The following UEVLD variants were observed in gnomAD, a reference collection of about 807,000 sequenced individuals.
The protein encoded by UEVLD is UEV and lactate/malate dehyrogenase domains.
In UEVLD, 47 loss-of-function variants were observed where a neutral mutation model predicts 58.6. That is an observed-to-expected ratio of 0.80 (90% CI 0.63 to 1.02). UEVLD has a LOEUF of 1.02. UEVLD is among the 50% of genes least tolerant of loss of function. The pLI is 0.00. For synonymous variants in UEVLD, 197 were observed against 195.3 expected (o/e 1.01, Z -0.07); for missense variants, 510 against 550.6 (o/e 0.93, Z 0.74).
At chr11:18,561,499 A>C (rs1029195596) in intron 6 of UEVLD, among the ~76,000 whole-genome samples, 1 of 151,032 alleles carries the variant, frequency 6.6e-6, no homozygotes, top group Non-Finnish European at 1.5e-5. Flanking sequence ...TGGGAGGCTG[A>C]GGTGGGAGAA....
chr11:18,567,788 G>C (rs1852371353), intron 4 of UEVLD, among the ~76,000 whole-genome samples: 1 of 152,118 alleles, frequency 6.6e-6, no homozygotes, highest in Non-Finnish European at 1.5e-5. Context: ...AACTGCATGT[G>C]GAACTTAAAG....
chr11:18,539,038 C>G (rs561116869), intron 9 of UEVLD: 3 of 147,920 alleles, frequency 2.0e-5, no homozygotes, highest in Admixed American at 6.7e-5. Context: ...CCAACCCCCC[C>G]AAAAAAGAAA....
At chr11:18,565,632 C>A (rs1313478267) in intron 5 of UEVLD, among the ~76,000 whole-genome samples, 1 of 152,030 alleles carries the variant, frequency 6.6e-6, no homozygotes, top group Non-Finnish European at 1.5e-5. Context: ...AGTTCAAAAC[C>A]AGCCTGGCCA....
chr11:18,564,825 TA>T, intron 6 of UEVLD, 66 bp downstream of exon 6: 1 of 1,183,836 alleles, frequency 8.4e-7, no homozygotes, highest in South Asian at 1.6e-5. Context: ...TTTTGGTGTG[TA>T]AAACACAACC....
At chr11:18,548,503 C>T (rs939083645) in intron 7 of UEVLD, among the ~76,000 whole-genome samples, 1 of 152,186 alleles carries the variant, frequency 6.6e-6, no homozygotes, top group Non-Finnish European at 1.5e-5. Context: ...TCTCGGCTCA[C>T]CACAACCTCT....
At position 18,588,661 on chromosome 11, in the gene UEVLD, G is replaced by C. The variant is rs148748030; in HGVS notation, c.-7C>G. The C allele has an allele frequency of 6.2e-6, 10 of 1,608,706 alleles. No individual in the cohort carries two copies. The African/African-American group carries it at 1.2e-4, about 19-fold the overall frequency. Reference sequence around the variant, plus strand: ...CCTCGCAGTCGAACTCCATCTCCAGGCCGGTCCCGAGCTAGGTCCCAGGAC... The same window carrying C: ...CCTCGCAGTCGAACTCCATCTCCAGCCCGGTCCCGAGCTAGGTCCCAGGAC... On this transcript the variant is annotated 5_prime_UTR_variant, in exon 1 of 12. Coordinates refer to ENST00000396197, the MANE Select transcript of UEVLD (RefSeq NM_001040697.4).
chr11:18,579,521 G>T, intron 1 of UEVLD: 1 of 985,106 alleles, frequency 1.0e-6, no homozygotes, highest in Middle Eastern at 5.2e-4. Flanking sequence ...ATTCACTTGA[G>T]ATACCTCGAC....
chr11:18,540,307 A>G (rs771707297), intron 9 of UEVLD, among the ~76,000 whole-genome samples: 7 of 152,216 alleles, frequency 4.6e-5, no homozygotes, highest in Non-Finnish European at 8.8e-5. Flanking sequence ...GATATGCAAA[A>G]TATTTAATAC....
rs1419628375 is a variant in UEVLD at position 18,544,697 on chromosome 11, A to C, written c.986T>G (p.Ile329Ser). 1 of 1,587,740 alleles carries C rather than the reference A, an allele frequency of 6.3e-7. No homozygotes were observed. Among genetic ancestry groups the C allele is most frequent in the Non-Finnish European group, 8.5e-7 (1 of 1,171,702 alleles). Reference protein sequence around the residue: ...CNLDSQRLQYIITNVLKAQTS... With the variant: ...CNLDSQRLQYSITNVLKAQTS... ...CTGTGCCTTCAAAACATTTGTAATAATATACTGTAATCTCTGTGAATCCAG... is the reference window on the plus strand; with the variant it reads ...CTGTGCCTTCAAAACATTTGTAATACTATACTGTAATCTCTGTGAATCCAG... Residue 329 changes from isoleucine to serine, a missense_variant, in exon 9 of 12, where the codon ATT becomes AGT. Ile to Ser is a moderately radical substitution (Grantham distance 142). Transcript: ENST00000396197.
intron 1 of UEVLD, among the ~76,000 whole-genome samples, chr11:18,584,756 C>G (rs774558564): frequency 4.6e-5 from 7 of 152,002 alleles, no homozygotes; most frequent in Non-Finnish European, 8.8e-5. Flanking sequence ...TCTCAGCCTC[C>G]TGAGTAGCTG....
intron 7 of UEVLD, among the ~76,000 whole-genome samples, chr11:18,555,286 C>T (rs1235845667): frequency 2.0e-5 from 3 of 152,072 alleles, no homozygotes; most frequent in Non-Finnish European, 4.4e-5. Flanking sequence ...ATTAGCTGGG[C>T]ATGGTGGTGG....
At chr11:18,546,427 T>C (rs893841267) in intron 8 of UEVLD, among the ~76,000 whole-genome samples, 40 of 152,158 alleles carry the variant, frequency 2.6e-4, no homozygotes, top group South Asian at 4.1e-4. Flanking sequence ...GTTTATTATA[T>C]AGGCAATTTT....
intron 2 of UEVLD, among the ~76,000 whole-genome samples, chr11:18,577,220 CAAAAACAAACCAAAAAACA>C (rs1852963458): frequency 6.6e-6 from 1 of 151,982 alleles, no homozygotes; most frequent in Non-Finnish European, 1.5e-5. Context: ...CAGTCTCCCG[CAAAAACAAACCAAAAAACA>C]AAAAACAAAC....
chr11:18,537,657 ATAT>A (rs35960383), intron 9 of UEVLD, among the ~76,000 whole-genome samples: 20 of 150,216 alleles, frequency 1.3e-4, no homozygotes, highest in East Asian at 7.8e-4. Flanking sequence ...TCACACTTTA[ATAT>A]TATTATTATT....
intron 3 of UEVLD, among the ~76,000 whole-genome samples, chr11:18,573,264 A>G (rs1271537630): frequency 6.6e-6 from 1 of 152,228 alleles, no homozygotes; most frequent in Non-Finnish European, 1.5e-5. Flanking sequence ...ATTCATTTAA[A>G]TTCACAAGCT....
At position 18,588,673 on chromosome 11, in the gene UEVLD, C is replaced by G. The variant is rs368938615; in HGVS notation, c.-19G>C. On this transcript the variant is annotated 5_prime_UTR_variant, in exon 1 of 12. Coordinates refer to ENST00000396197, the MANE Select transcript of UEVLD (RefSeq NM_001040697.4). ...ACTCCATCTCCAGGCCGGTCCCGAG[C>G]TAGGTCCCAGGACTCCAGCCCCCGG... The G allele has an allele frequency of 1.4e-5, 23 of 1,607,240 alleles. No homozygotes were observed. Among genetic ancestry groups the G allele is most frequent in the Middle Eastern group, 1.6e-4 (1 of 6,076 alleles).
intron 1 of UEVLD, 28 bp downstream of exon 1, chr11:18,588,585 C>G: frequency 6.2e-7 from 1 of 1,608,130 alleles, no homozygotes. Context: ...CCCTGAGGAC[C>G]CAAACTGGCC....
chr11:18,544,354 G>A (rs1434746027), intron 9 of UEVLD, among the ~76,000 whole-genome samples: 1 of 152,098 alleles, frequency 6.6e-6, no homozygotes, highest in African/African-American at 2.4e-5. Context: ...TGTCACCCAG[G>A]CTTGAATGCA....
intron 2 of UEVLD, among the ~76,000 whole-genome samples, chr11:18,577,241 A>AAAAC (rs536382494): frequency 6.6e-6 from 1 of 152,190 alleles, no homozygotes; most frequent in Non-Finnish European, 1.5e-5. Flanking sequence ...CAAAAAACAA[A>AAAAC]AAACAAACAA....
Sources: gnomAD v4.1 joint callset for allele counts (sites outside exome capture counted in the v4.1 genomes callset) on GRCh38, gnomAD v4.1.1 for gene constraint, MANE v1.5 for transcripts, NCBI Gene and HGNC (gene_info 2026-07-23, HGNC 2026-07-21) for gene names.